The following MIA2 variants were observed in gnomAD, a reference collection of about 807,000 sequenced individuals.
The protein encoded by MIA2 is MIA SH3 domain ER export factor 2, also known as melanoma inhibitory activity protein 2.
Under a neutral mutation model 167.8 loss-of-function variants are expected in MIA2, and 127 were observed. The ratio of observed to expected loss-of-function variants is 0.76; its 90% confidence interval spans 0.66 to 0.88. MIA2 has a LOEUF of 0.88. Among genes scored for constraint, MIA2 ranks in the 40% least tolerant of loss-of-function variants. The probability of loss-of-function intolerance (pLI) is 0.00; values close to 1 mark genes in which losing one functional copy is unlikely to be tolerated. For missense variants in MIA2, 1,690 were observed against 1,624.7 expected (o/e 1.04, Z -0.69); for synonymous variants, 552 against 541.9 (o/e 1.02, Z -0.26).
intron 25 of MIA2, among the ~76,000 whole-genome samples, chr14:39,335,112 C>T (rs1202481117): frequency 1.3e-5 from 2 of 152,068 alleles, no homozygotes; most frequent in Non-Finnish European, 2.9e-5. Flanking sequence ...ATAGTGACTT[C>T]TGTAAAACAG....
rs200230228 is a variant in MIA2 at position 39,318,034 on chromosome 14, T to G, written c.3284+23T>G. 2.8e-5 allele frequency: 42 copies of G among 1,493,366 alleles called. 1 individual carries two copies. In the South Asian group the frequency reaches 5.2e-4, roughly 18 times the overall value. The allele number at this position is 1,493,366 out of a possible 1,614,324, so 92.5% of individuals were successfully genotyped here. ...AAAGTAAGTATCTTAGTGGGAACAT[T>G]TAAAATTAGTTATTCTGTTATTTCG... On this transcript the variant is annotated intron_variant, in intron 22 of 28. Transcript: ENST00000640607.
intron 6 of MIA2, among the ~76,000 whole-genome samples, chr14:39,257,754 C>G (rs1446493500): frequency 6.6e-6 from 1 of 152,160 alleles, no homozygotes; most frequent in East Asian, 1.9e-4. Context: ...GTGCTTCTTT[C>G]AGGAGCCCTT....
At chr14:39,235,525 C>T (rs1351525695) in intron 1 of MIA2, among the ~76,000 whole-genome samples, 3 of 152,132 alleles carry the variant, frequency 2.0e-5, no homozygotes, top group East Asian at 3.9e-4. Flanking sequence ...CACCTGTAAT[C>T]CCAGCACTTT....
At chr14:39,352,254 A>G (rs966685067), downstream of MIA2, among the ~76,000 whole-genome samples, 10 of 146,144 alleles carry the variant, frequency 6.8e-5, no homozygotes, top group African/African-American at 2.6e-4. Context: ...TGCAAACCAT[A>G]CTGGTTGCTC....
At chr14:39,385,711 CTA>C in intron 23 of MIA2, 1 of 993,140 alleles carries the variant, frequency 1.0e-6, no homozygotes, top group Non-Finnish European at 1.6e-6. Context: ...TGGTAACAGA[CTA>C]TAGTCCTTCT....
chr14:39,304,399 A>G lies in MIA2; in HGVS notation c.2878+18A>G. On this transcript the variant is annotated intron_variant, in intron 17 of 28. Transcript: ENST00000640607. ...GCTTACAGGTAGGTCATTGACATAC[A>G]TACTTTTAATGTTTTTCTAAGTAAG... The G allele has an allele frequency of 2.2e-6, 3 of 1,334,058 alleles. No individual in the cohort carries two copies. Among genetic ancestry groups the G allele is most frequent in the Non-Finnish European group, 3.1e-6 (3 of 964,066 alleles). The allele number at this position is 1,334,058 out of a possible 1,614,324, so 82.6% of individuals were successfully genotyped here. A position where few individuals can be genotyped will look rare whatever the true frequency, so the allele number is the denominator to read the frequency against.
At chr14:39,279,834 C>G (rs372704152) in intron 9 of MIA2, among the ~76,000 whole-genome samples, 7 of 152,124 alleles carry the variant, frequency 4.6e-5, no homozygotes, top group African/African-American at 1.7e-4. Context: ...TCCAAATGTT[C>G]TCTTTTCGTA....
At chr14:39,371,244 T>G (rs1443517771) in intron 23 of MIA2, among the ~76,000 whole-genome samples, 4 of 152,234 alleles carry the variant, frequency 2.6e-5, no homozygotes, top group Non-Finnish European at 1.5e-5. Context: ...TATTCACTTT[T>G]GTTTTCTGGA....
At chr14:39,327,496 C>G (rs2067818672) in intron 25 of MIA2, among the ~76,000 whole-genome samples, 1 of 152,092 alleles carries the variant, frequency 6.6e-6, no homozygotes, top group South Asian at 2.1e-4. Context: ...ACCATTTTAT[C>G]TCACCAAAAT....
Position 39,302,153 on chromosome 14 carries a change from A to T in MIA2, c.2644A>T (p.Met882Leu). 8 of 1,613,730 alleles carry T rather than the reference A, an allele frequency of 5.0e-6. No individual in the cohort carries two copies. Among genetic ancestry groups the T allele is most frequent in the Non-Finnish European group, 6.8e-6 (8 of 1,179,726 alleles). The change falls in exon 15 of 29, where the codon ATG (methionine) becomes TTG (leucine). Residue 882 changes from methionine (M) to leucine (L), a missense_variant. Coordinates refer to ENST00000640607, the MANE Select transcript of MIA2 (RefSeq NM_001329214.4). ...IKTLTERLLK[M>L]KDWAAMLGED... Reference sequence around the variant, plus strand: ...GACTCTGACTGAACGCTTGTTAAAGATGAAAGATTGGGCTGCTATGCTTGG... The same window carrying T: ...GACTCTGACTGAACGCTTGTTAAAGTTGAAAGATTGGGCTGCTATGCTTGG...
downstream of MIA2, among the ~76,000 whole-genome samples, chr14:39,355,738 A>G (rs2074506235): frequency 6.6e-6 from 1 of 152,156 alleles, no homozygotes; most frequent in South Asian, 2.1e-4. Flanking sequence ...TCAATACCTA[A>G]TTTATTGAGA....
intron 24 of MIA2, among the ~76,000 whole-genome samples, chr14:39,321,847 G>T (rs1337456062): frequency 7.4e-5 from 11 of 149,180 alleles, no homozygotes; most frequent in Non-Finnish European, 1.6e-4. Context: ...TGCAACCTCT[G>T]CCTCCCAGGT....
chr14:39,265,400 A>G, intron 6 of MIA2: 1 of 1,610,814 alleles, frequency 6.2e-7, no homozygotes, highest in Admixed American at 1.7e-5. Flanking sequence ...AAGAAATGGA[A>G]TTGAAAAGTC....
At chr14:39,242,408 C>T (rs750446834) in intron 3 of MIA2, among the ~76,000 whole-genome samples, 9 of 151,560 alleles carry the variant, frequency 5.9e-5, no homozygotes, top group East Asian at 5.8e-4. Flanking sequence ...CTGCAACCTC[C>T]GCCTCCTGGG....
chr14:39,346,104 A>G (rs193228894), intron 26 of MIA2, 78 bp downstream of exon 26: 8 of 1,224,926 alleles, frequency 6.5e-6, no homozygotes, highest in Non-Finnish European at 9.5e-6. Context: ...ATAAAGACCA[A>G]TATAATTGCT....
chr14:39,385,440 C>T lies in MIA2; in HGVS notation c.2249-1445C>T, dbSNP rs1334965661. Reference sequence around the variant, plus strand: ...TTGATGTGTTACTTGGAGATTCAATCATCAGTCTTGGGTCAATCAACTCTC... The same window carrying T: ...TTGATGTGTTACTTGGAGATTCAATTATCAGTCTTGGGTCAATCAACTCTC... On this transcript the variant is annotated intron_variant, in intron 23 of 23. Coordinates refer to the MIA2 transcript ENST00000341502. The T allele has an allele frequency of 3.1e-6, 4 of 1,306,868 alleles. No individual in the cohort carries two copies. In the Admixed American group the frequency reaches 5.0e-5, roughly 16 times the overall value. The allele number at this position is 1,306,868 out of a possible 1,614,324, so 81.0% of individuals were successfully genotyped here.
At chr14:39,268,347 G>A (rs935656268) in intron 6 of MIA2, among the ~76,000 whole-genome samples, 4 of 151,952 alleles carry the variant, frequency 2.6e-5, no homozygotes, top group Admixed American at 1.3e-4. Flanking sequence ...TAATGCATAC[G>A]CATATATATG....
intron 21 of MIA2, among the ~76,000 whole-genome samples, chr14:39,316,741 T>C (rs1185882488): frequency 6.6e-6 from 1 of 152,278 alleles, no homozygotes; most frequent in South Asian, 2.1e-4. Flanking sequence ...TGGAGATGAA[T>C]TTAGTTAACC....
At position 39,284,036 on chromosome 14, in the gene MIA2, T is replaced by C. The variant is rs531573991; in HGVS notation, c.2130+4499T>C. On this transcript the variant is annotated intron_variant, in intron 9 of 28. Transcript: ENST00000640607. ...TTTCATTTTATTGTTTCTTTTGCTTTGCAAAAGCTTTTTAGTTTGATGTAG... is the reference window on the plus strand; with the variant it reads ...TTTCATTTTATTGTTTCTTTTGCTTCGCAAAAGCTTTTTAGTTTGATGTAG... Among the ~76,000 whole-genome samples, 15 of 152,336 alleles carry C rather than the reference T, an allele frequency of 9.8e-5. No homozygotes were observed. The South Asian group carries it at 3.1e-3, about 32-fold the overall frequency.
Sources: gnomAD v4.1 joint callset for allele counts (sites outside exome capture counted in the v4.1 genomes callset) on GRCh38, gnomAD v4.1.1 for gene constraint, MANE v1.5 for transcripts, NCBI Gene and HGNC (gene_info 2026-07-23, HGNC 2026-07-21) for gene names.